TTLL8: variants seen among roughly 807,000 people sequenced by gnomAD.
TTLL8 encodes the protein tubulin tyrosine ligase like 8.
A neutral mutation model predicts 77.8 loss-of-function variants in TTLL8; 65 were observed. The observed-to-expected ratio is 0.84, with a 90% CI of 0.68 to 1.03. The LOEUF is 1.03. TTLL8 is among the 50% of genes least tolerant of loss of function. The pLI is 0.00. For missense variants in TTLL8, 910 were observed against 1,004.5 expected (o/e 0.91, Z 1.27); for synonymous variants, 402 against 422.8 (o/e 0.95, Z 0.60).
chr22:50,020,633 GACA>G (rs71318857), intron 12 of TTLL8, among the ~76,000 whole-genome samples: 1 of 134,992 alleles, frequency 7.4e-6, no homozygotes, highest in African/African-American at 2.9e-5. Flanking sequence ...CCCTCCATCT[GACA>G]ACGTGCACTC....
exon 1 of TTLL8, chr22:50,054,604 T>C (rs1286439087): frequency 1.2e-5 from 3 of 245,134 alleles, no homozygotes. Flanking sequence ...CCTGGAAGTC[T>C]GTTTCCCATC....
chr22:50,032,770 G>A (rs569286635), intron 10 of TTLL8, among the ~76,000 whole-genome samples: 2 of 152,322 alleles, frequency 1.3e-5, no homozygotes, highest in Admixed American at 1.3e-4. Context: ...GGACTCCACA[G>A]GCTCTCGCCC....
chr22:50,024,597 A>G (rs1164282815), intron 12 of TTLL8, among the ~76,000 whole-genome samples: 2 of 152,248 alleles, frequency 1.3e-5, no homozygotes, highest in Admixed American at 1.3e-4. Flanking sequence ...ACAACTGGAC[A>G]GTCACAGGAA....
chr22:50,047,942 C>T (rs2061422492), intron 3 of TTLL8, among the ~76,000 whole-genome samples: 1 of 152,042 alleles, frequency 6.6e-6, no homozygotes, highest in Non-Finnish European at 1.5e-5. Flanking sequence ...ACTAAAAATA[C>T]AAAAATTAGC....
upstream of TTLL8, chr22:50,055,169 G>A (rs1338544836): frequency 7.9e-7 from 1 of 1,263,772 alleles, no homozygotes; most frequent in African/African-American, 1.5e-5. Flanking sequence ...CAGATTCCAA[G>A]TTCCAAAACA....
chr22:50,032,145 C>G (rs2061301064), intron 10 of TTLL8, 36 bp from the exon 12 acceptor site: 1 of 1,325,848 alleles, frequency 7.5e-7, no homozygotes. Flanking sequence ...CTCAGCCTCC[C>G]TTGGCCCAGG....
At chr22:50,023,339 T>C (rs574086867) in intron 12 of TTLL8, among the ~76,000 whole-genome samples, 2 of 152,176 alleles carry the variant, frequency 1.3e-5, no homozygotes, top group Non-Finnish European at 2.9e-5. Context: ...CTCCCCAAAA[T>C]GATCTATAGA....
intron 12 of TTLL8, among the ~76,000 whole-genome samples, chr22:50,022,481 T>C (rs1218247224): frequency 1.3e-5 from 2 of 150,520 alleles, no homozygotes; most frequent in African/African-American, 4.9e-5. Flanking sequence ...CGTGTACTCC[T>C]CCATCTGACG....
chr22:50,031,583 G>C (rs142009037), intron 11 of TTLL8, 103 bp downstream of exon 12: 1 of 1,195,844 alleles, frequency 8.4e-7, no homozygotes, highest in African/African-American at 1.6e-5. Context: ...CATAGACCCC[G>C]CTGCACTGGC....
exon 5 of TTLL8, chr22:50,045,965 C>A (rs1390931012): frequency 7.4e-7 from 1 of 1,353,784 alleles, no homozygotes; most frequent in Non-Finnish European, 9.8e-7. Context: ...TCACGCACAG[C>A]CCGATCTCCA....
At chr22:50,053,221 C>CA (rs55893423) in intron 1 of TTLL8, among the ~76,000 whole-genome samples, 7,876 of 102,934 alleles carry the variant, frequency 0.077, 909 homozygotes, top group African/African-American at 0.25. Flanking sequence ...GACTCCATCT[C>CA]AAAAAAAAAA....
At chr22:50,030,970 A>G (rs2061286743) in intron 11 of TTLL8, 45 bp from the exon 13 acceptor site, 2 of 1,293,868 alleles carry the variant, frequency 1.5e-6, no homozygotes, top group African/African-American at 1.5e-5. Flanking sequence ...TGGCCGGGAT[A>G]GGGGGGGTCC....
chr22:50,028,131 C>T (rs900797745), intron 12 of TTLL8, among the ~76,000 whole-genome samples: 5 of 152,220 alleles, frequency 3.3e-5, no homozygotes, highest in African/African-American at 9.6e-5. Context: ...GGCAATCCGC[C>T]CAGTGAACTG....
upstream of TTLL8, among the ~76,000 whole-genome samples, chr22:50,055,681 G>A (rs985169775): frequency 1.3e-4 from 19 of 150,682 alleles, no homozygotes; most frequent in East Asian, 9.7e-4. Context: ...AAAGACATTC[G>A]TCTGATGAGG....
At chr22:50,030,609 A>G (rs890152438) in exon 12 of TTLL8, 3 of 1,295,710 alleles carry the variant, frequency 2.3e-6, no homozygotes, top group South Asian at 2.6e-5. Context: ...CGGGAGCTCC[A>G]CCTTCCCAGC....
intron 12 of TTLL8, among the ~76,000 whole-genome samples, chr22:50,022,390 G>C (rs1048377740): frequency 6.4e-5 from 9 of 139,840 alleles, no homozygotes; most frequent in Non-Finnish European, 1.1e-4. Context: ...ATCTGACAAT[G>C]TGTACTCCTC....
chr22:50,031,650 C>T (rs754216025), intron 11 of TTLL8, 36 bp downstream of exon 12: 15 of 1,226,724 alleles, frequency 1.2e-5, no homozygotes, highest in East Asian at 5.6e-5. Context: ...ACATGGCGGG[C>T]GGCCACCAAA....
chr22:50,031,153 C>T lies in TTLL8; in HGVS notation c.1708-228G>A, dbSNP rs1569223596. On this transcript the variant is annotated intron_variant, in intron 11 of 13. Coordinates refer to ENST00000266182, the Ensembl canonical transcript of TTLL8. ...GGCTTGGGGGTCAGCCTGGGGGGCC[C>T]CACACCCAGGGACTCAGCTGCTCTT... Among the ~76,000 whole-genome samples, 7 of 152,132 alleles carry T rather than the reference C, an allele frequency of 4.6e-5. No homozygotes were observed. In the South Asian group the frequency reaches 1.5e-3, roughly 32 times the overall value.
At chr22:50,049,940 C>T in intron 2 of TTLL8, 169 bp downstream of exon 4, 1 of 676,148 alleles carries the variant, frequency 1.5e-6, no homozygotes, top group Non-Finnish European at 1.8e-6. Flanking sequence ...CCTGGCACGA[C>T]CGCCTGGGGC....
Sources: gnomAD v4.1 joint callset for allele counts (sites outside exome capture counted in the v4.1 genomes callset) on GRCh38, gnomAD v4.1.1 for gene constraint, MANE v1.5 for transcripts, NCBI Gene and HGNC (gene_info 2026-07-23, HGNC 2026-07-21) for gene names.